Variants in EDN1 observed in about 807,000 individuals in gnomAD.
EDN1 encodes endothelin 1, also known as endothelin-1.
In EDN1, 11 loss-of-function variants were observed where a neutral mutation model predicts 21.7. That is an observed-to-expected ratio of 0.51 (90% CI 0.32 to 0.84). The LOEUF is 0.84. Ranked by LOEUF, EDN1 falls within the 40% of genes least tolerant of loss-of-function variation. The pLI, the probability that EDN1 is intolerant of heterozygous loss-of-function variation, is 0.03. For synonymous variants in EDN1, 85 were observed against 90.6 expected (o/e 0.94, Z 0.35); for missense variants, 244 against 262.3 (o/e 0.93, Z 0.48).
the EDN1 span, among the ~76,000 whole-genome samples, chr6:12,267,568 C>T: frequency 6.6e-6 from 1 of 152,172 alleles, no homozygotes; most frequent in East Asian, 1.9e-4. Flanking sequence ...CTGCAGAAGA[C>T]AAGTTTGACA....
the EDN1 span, among the ~76,000 whole-genome samples, chr6:12,257,675 T>G: frequency 6.6e-6 from 1 of 152,186 alleles, no homozygotes; most frequent in Non-Finnish European, 1.5e-5. Context: ...ACACAGTGTA[T>G]TTTAACAGAA....
the EDN1 span, among the ~76,000 whole-genome samples, chr6:12,265,007 A>G: frequency 6.6e-6 from 1 of 152,222 alleles, no homozygotes; most frequent in Non-Finnish European, 1.5e-5. Flanking sequence ...GACAAGTCCA[A>G]CACATAAAAG....
the EDN1 span, among the ~76,000 whole-genome samples, chr6:12,271,109 GT>G: frequency 3.3e-4 from 49 of 146,834 alleles, no homozygotes; most frequent in Admixed American, 8.8e-4. Context: ...ACACATACTT[GT>G]TTTTTTTTTA....
At chr6:12,273,396 C>A in the EDN1 span, among the ~76,000 whole-genome samples, 1 of 152,104 alleles carries the variant, frequency 6.6e-6, no homozygotes, top group African/African-American at 2.4e-5. Context: ...GGGAGAGATG[C>A]ACAGTGTCTC....
At chr6:12,237,976 C>A in the EDN1 span, among the ~76,000 whole-genome samples, 1 of 152,066 alleles carries the variant, frequency 6.6e-6, no homozygotes, top group Non-Finnish European at 1.5e-5. Context: ...TCAAGACCAA[C>A]CTGGCCAATA....
chr6:12,284,737 AAGGAAGG>A, the EDN1 span, among the ~76,000 whole-genome samples: 1,111 of 136,838 alleles, frequency 8.1e-3, 7 homozygotes, highest in Middle Eastern at 0.025. Flanking sequence ...GGAAGGAAGG[AAGGAAGG>A]AAGGAAGAAA....
the EDN1 span, among the ~76,000 whole-genome samples, chr6:12,285,163 C>A: frequency 6.6e-6 from 1 of 151,972 alleles, no homozygotes; most frequent in Non-Finnish European, 1.5e-5. Context: ...TCATTATTTT[C>A]TCTTAGTCTA....
At chr6:12,287,736 ACACACACACACACACACAGGCGCG>A (rs1762582855), upstream of EDN1, among the ~76,000 whole-genome samples, 1 of 149,550 alleles carries the variant, frequency 6.7e-6, no homozygotes, top group Non-Finnish European at 1.5e-5. Flanking sequence ...ACACACACAC[ACACACACACACACACACAGGCGCG>A]CGCGCGCGCG....
chr6:12,284,789 A>AAGAAAGAG, the EDN1 span, among the ~76,000 whole-genome samples: 1 of 151,942 alleles, frequency 6.6e-6, no homozygotes, highest in African/African-American at 2.4e-5. Flanking sequence ...GAAAGAAAGA[A>AAGAAAGAG]AGAAAGAAAC....
the EDN1 span, among the ~76,000 whole-genome samples, chr6:12,238,616 G>A: frequency 3.3e-5 from 5 of 152,302 alleles, no homozygotes; most frequent in African/African-American, 9.6e-5. Context: ...TTAGAACCAC[G>A]GCTGATGCAG....
At chr6:12,278,752 C>T in the EDN1 span, among the ~76,000 whole-genome samples, 477 of 152,166 alleles carry the variant, frequency 3.1e-3, 7 homozygotes, top group African/African-American at 0.011. Flanking sequence ...CAAAAATTAG[C>T]TGGGCGTGGT....
At chr6:12,237,802 A>G in the EDN1 span, among the ~76,000 whole-genome samples, 1 of 152,108 alleles carries the variant, frequency 6.6e-6, no homozygotes. Flanking sequence ...AACACTCCCA[A>G]ACTGCATCGT....
the EDN1 span, among the ~76,000 whole-genome samples, chr6:12,265,700 G>A: frequency 3.3e-5 from 5 of 152,246 alleles, no homozygotes; most frequent in Non-Finnish European, 7.4e-5. Context: ...ACTCACACAC[G>A]ATCCATTTTG....
the EDN1 span, among the ~76,000 whole-genome samples, chr6:12,270,152 T>C: frequency 9.9e-5 from 15 of 152,092 alleles, no homozygotes; most frequent in African/African-American, 3.6e-4. Context: ...CTGCTGACTT[T>C]ATGTATTTGG....
At chr6:12,261,594 G>A in the EDN1 span, among the ~76,000 whole-genome samples, 1 of 152,186 alleles carries the variant, frequency 6.6e-6, no homozygotes, top group Non-Finnish European at 1.5e-5. Flanking sequence ...AATAAAGGCT[G>A]AATATTCACA....
At chr6:12,267,597 T>C in the EDN1 span, among the ~76,000 whole-genome samples, 1 of 152,154 alleles carries the variant, frequency 6.6e-6, no homozygotes, top group East Asian at 1.9e-4. Context: ...GGTTGGTTCA[T>C]GAGGTTTAAG....
chr6:12,234,062 A>G, the EDN1 span, among the ~76,000 whole-genome samples: 1 of 152,204 alleles, frequency 6.6e-6, no homozygotes, highest in Non-Finnish European at 1.5e-5. Flanking sequence ...CCAGGAGCCC[A>G]CCTATACATC....
In EDN1 at chr6:12,296,407, G is replaced by A. The variant is rs1161187482; in HGVS notation, c.*340G>A. On this transcript the variant is annotated 3_prime_UTR_variant, in exon 5 of 5. Coordinates refer to ENST00000379375, the MANE Select transcript of EDN1 (RefSeq NM_001955.5). ...TCCACACAGGGGTGGAGTTTCTGAC[G>A]AAGGTCCTAAGGGAGTGTTTGTGTC... 3 of 290,470 alleles carry A rather than the reference G, an allele frequency of 1.0e-5. No homozygotes were observed. The highest frequency in any genetic ancestry group is 3.9e-5 in the South Asian group (1 of 25,338). The allele number at this position is 290,470 out of a possible 1,614,324, so 18.0% of individuals were successfully genotyped here. A position where few individuals can be genotyped will look rare whatever the true frequency, so the allele number is the denominator to read the frequency against.
At chr6:12,260,796 A>G in the EDN1 span, among the ~76,000 whole-genome samples, 2 of 152,062 alleles carry the variant, frequency 1.3e-5, no homozygotes, top group African/African-American at 4.8e-5. Flanking sequence ...TTAGCAAATT[A>G]TCTCCTGGAC....
Sources: allele counts gnomAD v4.1 joint callset (sites outside exome capture counted in the v4.1 genomes callset), GRCh38; gene constraint gnomAD v4.1.1; transcripts MANE v1.5; gene names NCBI Gene and HGNC (gene_info 2026-07-23, HGNC 2026-07-21).